DSCAM: variants seen among roughly 807,000 people sequenced by gnomAD.
DSCAM encodes cell adhesion molecule DSCAM.
DSCAM carries 47 observed loss-of-function variants against 217.7 expected under a neutral mutation model. That is an observed-to-expected ratio of 0.22 (90% CI 0.17 to 0.28). DSCAM has a LOEUF of 0.28. Among genes scored for constraint, DSCAM ranks in the 10% least tolerant of loss-of-function variants. The pLI is 1.00. For missense variants in DSCAM, 2,080 were observed against 2,618.3 expected (o/e 0.79, Z 4.49); for synonymous variants, 1,056 against 1,015.3 (o/e 1.04, Z -0.76).
intron 24 of DSCAM, among the ~76,000 whole-genome samples, 153 bp from the exon 25 acceptor site, chr21:40,080,493 A>T (rs182765904): frequency 1.3e-5 from 2 of 152,278 alleles, no homozygotes; most frequent in Non-Finnish European, 2.9e-5. Flanking sequence ...ATTCCAGGAA[A>T]TGTAACCCAG....
chr21:40,100,241 A>G (rs1192014070), intron 20 of DSCAM, among the ~76,000 whole-genome samples: 3 of 152,244 alleles, frequency 2.0e-5, no homozygotes, highest in Admixed American at 2.0e-4. Flanking sequence ...AAAGAAAAAA[A>G]GAGCAAAATG....
intron 22 of DSCAM, among the ~76,000 whole-genome samples, chr21:40,086,316 C>G (rs925877322): frequency 1.3e-5 from 2 of 152,222 alleles, no homozygotes; most frequent in African/African-American, 2.4e-5. Context: ...GGCAGATTGT[C>G]CAGTCCTTTG....
chr21:40,807,112 TCAA>T (rs1382929659), intron 1 of DSCAM, among the ~76,000 whole-genome samples: 4 of 7,410 alleles, frequency 5.4e-4, no homozygotes, highest in Non-Finnish European at 1.4e-3. Context: ...GTATAATGAA[TCAA>T]TCAATCAATC....
intron 3 of DSCAM, among the ~76,000 whole-genome samples, chr21:40,547,909 ACTGCGCAGTGTCCCGCAGCCC>A (rs529007246): frequency 1.3e-5 from 2 of 152,320 alleles, no homozygotes; most frequent in East Asian, 3.9e-4. Context: ...ACAGACAGAC[ACTGCGCAGTGTCCCGCAGCCC>A]CCCAAATTGG....
At chr21:40,757,520 A>T (rs1284696011) in intron 1 of DSCAM, among the ~76,000 whole-genome samples, 5 of 152,188 alleles carry the variant, frequency 3.3e-5, no homozygotes, top group Non-Finnish European at 7.3e-5. Flanking sequence ...CTTTAGTCAC[A>T]GGAATATTGC....
intron 2 of DSCAM, among the ~76,000 whole-genome samples, chr21:40,698,794 C>G (rs370687803): frequency 6.7e-6 from 1 of 149,558 alleles, no homozygotes; most frequent in African/African-American, 2.5e-5. Flanking sequence ...CACTTGAACC[C>G]GGGAGGCAGA....
intron 3 of DSCAM, among the ~76,000 whole-genome samples, chr21:40,395,901 C>T (rs776813193): frequency 6.6e-6 from 1 of 152,124 alleles, no homozygotes; most frequent in Non-Finnish European, 1.5e-5. Context: ...GAAATCACTC[C>T]CTGCCACGGC....
chr21:40,532,903 T>C (rs998075398), intron 3 of DSCAM, among the ~76,000 whole-genome samples: 14 of 109,566 alleles, frequency 1.3e-4, no homozygotes, highest in African/African-American at 2.0e-4. Context: ...TGTGTGTGTG[T>C]GTGTGTGCAC....
chr21:40,289,838 G>T (rs779209871), intron 10 of DSCAM, among the ~76,000 whole-genome samples: 7 of 151,802 alleles, frequency 4.6e-5, no homozygotes, highest in Non-Finnish European at 1.0e-4. Context: ...CAAAATAGAA[G>T]AAAAAAACAG....
intron 1 of DSCAM, among the ~76,000 whole-genome samples, chr21:40,719,040 C>A (rs371452463): frequency 6.6e-6 from 1 of 151,992 alleles, no homozygotes; most frequent in Non-Finnish European, 1.5e-5. Flanking sequence ...CACTTGAGCC[C>A]CAGAATTGGA....
chr21:40,193,742 G>T (rs2090978443), intron 11 of DSCAM, among the ~76,000 whole-genome samples: 1 of 152,170 alleles, frequency 6.6e-6, no homozygotes, highest in Admixed American at 6.5e-5. Context: ...TTTGTAAAAA[G>T]GAAATGTATA....
chr21:40,110,175 C>A (rs1383489487), intron 20 of DSCAM, among the ~76,000 whole-genome samples: 1 of 152,178 alleles, frequency 6.6e-6, no homozygotes, highest in Non-Finnish European at 1.5e-5. Context: ...ACCAGTGGGG[C>A]AGACTGACAC....
intron 3 of DSCAM, among the ~76,000 whole-genome samples, chr21:40,442,657 G>A (rs964446991): frequency 1.5e-4 from 23 of 151,566 alleles, no homozygotes; most frequent in East Asian, 1.4e-3. Flanking sequence ...ATAGCTGGGA[G>A]CACACCATCA....
At chr21:40,463,888 T>G (rs916409834) in intron 3 of DSCAM, among the ~76,000 whole-genome samples, 1 of 152,184 alleles carries the variant, frequency 6.6e-6, no homozygotes, top group African/African-American at 2.4e-5. Flanking sequence ...CCTCTGAAGG[T>G]GAGCACCTCC....
At chr21:40,324,331 A>G (rs1297955123) in intron 8 of DSCAM, among the ~76,000 whole-genome samples, 2 of 152,104 alleles carry the variant, frequency 1.3e-5, no homozygotes, top group African/African-American at 4.8e-5. Flanking sequence ...TGGATACAAT[A>G]AAGGGAAAAA....
chr21:40,129,269 A>T (rs945484441), intron 19 of DSCAM, among the ~76,000 whole-genome samples: 11 of 152,302 alleles, frequency 7.2e-5, no homozygotes, highest in Non-Finnish European at 1.5e-4. Context: ...GACATGTCAC[A>T]TTCACAGCTG....
intron 1 of DSCAM, among the ~76,000 whole-genome samples, chr21:40,751,168 C>T (rs2091223744): frequency 6.6e-6 from 1 of 152,152 alleles, no homozygotes; most frequent in South Asian, 2.1e-4. Context: ...GCTGACATCC[C>T]CAGGACTCTA....
intron 1 of DSCAM, among the ~76,000 whole-genome samples, chr21:40,787,904 T>C (rs1452470952): frequency 1.3e-5 from 2 of 152,154 alleles, no homozygotes; most frequent in African/African-American, 2.4e-5. Flanking sequence ...TAATCATTAA[T>C]AGCAAACCTG....
At chr21:40,013,440 A>G in intron 32 of DSCAM, 54 bp from the exon 33 acceptor site, 1 of 1,358,580 alleles carries the variant, frequency 7.4e-7, no homozygotes, top group Non-Finnish European at 9.9e-7. Context: ...AAACATGGGC[A>G]GAATGTCCTG....
Sources: allele counts gnomAD v4.1 joint callset (sites outside exome capture counted in the v4.1 genomes callset), GRCh38; gene constraint gnomAD v4.1.1; transcripts MANE v1.5; gene names NCBI Gene and HGNC (gene_info 2026-07-23, HGNC 2026-07-21).